Variants in METTL27 observed in about 807,000 individuals in gnomAD.
The protein encoded by METTL27 is methyltransferase like 27.
Under a neutral mutation model 24.5 loss-of-function variants are expected in METTL27, and 29 were observed. That is an observed-to-expected ratio of 1.18 (90% CI 0.88 to 1.61). METTL27 has a LOEUF of 1.61. Ranked by LOEUF, METTL27 falls within the 40% of genes most tolerant of loss-of-function variation. The pLI is 0.00. For missense variants in METTL27, 341 were observed against 324.3 expected, an observed-to-expected ratio of 1.05 and a Z score of -0.40; for synonymous variants, 138 against 146.8, an observed-to-expected ratio of 0.94 and a Z score of 0.43.
At chr7:73,838,882 G>A (rs1554635808) in intron 5 of METTL27, among the ~76,000 whole-genome samples, 2 of 152,120 alleles carry the variant, frequency 1.3e-5, no homozygotes, top group Non-Finnish European at 2.9e-5. Context: ...CTGTCCTGCA[G>A]CCAGCCAGCG....
rs1379693617 is a variant in METTL27 at position 73,840,254 on chromosome 7, G to A, written c.389-134C>T. On this transcript the variant is annotated intron_variant, in intron 4 of 5. Transcript: ENST00000297873. Reference sequence around the variant, plus strand: ...TCTGCAGGACCCAGGTCCCCTAGAGGATAAGGTAAGTATGGCCCAGTTCTG... The same window carrying A: ...TCTGCAGGACCCAGGTCCCCTAGAGAATAAGGTAAGTATGGCCCAGTTCTG... 20 of 1,452,304 alleles carry A rather than the reference G, an allele frequency of 1.4e-5. No individual in the cohort carries two copies. The African/African-American group carries it at 2.7e-4, about 20-fold the overall frequency. 90.0% of individuals were successfully genotyped at this position (1,452,304 alleles called of 1,614,324 possible). A position where few individuals can be genotyped will look rare whatever the true frequency, so the allele number is the denominator to read the frequency against.
chr7:73,837,345 AAAATAAATAAAT>A (rs150487757), intron 5 of METTL27, among the ~76,000 whole-genome samples: 76 of 144,292 alleles, frequency 5.3e-4, no homozygotes, highest in Middle Eastern at 3.5e-3. Context: ...CAATCAATTA[AAAATAAATAAAT>A]AAATAAATAA....
Position 73,834,762 on chromosome 7 carries a change from C to T in METTL27, c.719G>A (p.Arg240Gln), listed in dbSNP as rs73369956. 5.6e-3 allele frequency: 8,969 copies of T among 1,613,966 alleles called. 379 individuals carry two copies. The African/African-American group carries it at 0.1, about 18-fold the overall frequency. Residue 240 changes from arginine (R) to glutamine (Q), a missense_variant, in exon 6 of 6, where the codon CGA (arginine) becomes CAA (glutamine). Transcript: ENST00000297873. ...TGGATCTCACTTCCTCAACCTGGGT[C>T]GCCTTCCACTTTCGGTACAGGTAGA... ...ALSTCTESGRRPRLRK is the reference protein window; with the variant it reads ...ALSTCTESGRQPRLRK
At chr7:73,836,140 A>C (rs1337206265) in intron 5 of METTL27, among the ~76,000 whole-genome samples, 4 of 108,840 alleles carry the variant, frequency 3.7e-5, no homozygotes, top group Non-Finnish European at 6.4e-5. Flanking sequence ...TGGGGGGGTC[A>C]GCCCCCTGCC....
intron 1 of METTL27, 138 bp from the exon 2 acceptor site, chr7:73,842,282 T>C (rs1375614938): frequency 1.5e-6 from 2 of 1,369,224 alleles, no homozygotes; most frequent in East Asian, 2.5e-5. Context: ...CTATCCCAGA[T>C]GGGGACACTG....
intron 2 of METTL27, among the ~76,000 whole-genome samples, 197 bp from the exon 3 acceptor site, chr7:73,841,395 C>G (rs1788350799): frequency 1.3e-5 from 2 of 152,166 alleles, no homozygotes; most frequent in South Asian, 4.1e-4. Flanking sequence ...TAGCCCCCAG[C>G]CCACTGTACA....
intron 5 of METTL27, 58 bp from the exon 6 acceptor site, chr7:73,835,060 C>T (rs1788124097): frequency 2.0e-6 from 3 of 1,533,234 alleles, no homozygotes; most frequent in Non-Finnish European, 2.6e-6. Context: ...CCTGGGCCAT[C>T]TCTGCTGGGG....
At chr7:73,836,511 G>A (rs1788202637) in intron 5 of METTL27, among the ~76,000 whole-genome samples, 20 of 97,572 alleles carry the variant, frequency 2.0e-4, no homozygotes, top group African/African-American at 4.6e-4. Flanking sequence ...CCGGCCAGCC[G>A]CCCCATCCGG....
chr7:73,836,126 G>A (rs1788180364), intron 5 of METTL27, among the ~76,000 whole-genome samples: 1 of 113,828 alleles, frequency 8.8e-6, no homozygotes, highest in South Asian at 3.1e-4. Context: ...ATCCGGGAGG[G>A]AGGTGGGGGG....
Position 73,842,079 on chromosome 7 carries a change from C to A in METTL27, c.62G>T (p.Gly21Val), listed in dbSNP as rs1554636580. 4 of 1,613,952 alleles carry A rather than the reference C, an allele frequency of 2.5e-6. No individual in the cohort carries two copies. The highest frequency in any genetic ancestry group is 1.7e-5 in the Admixed American group (1 of 60,028). The change falls in exon 2 of 6, where the codon GGC (glycine) becomes GTC (valine). Residue 21 changes from glycine to valine, a missense_variant. Gly to Val is a moderately radical substitution (Grantham distance 109, BLOSUM62 -3). Transcript: ENST00000297873. Reference protein sequence around the residue: ...EVRARVRAAHGIPDLAQKLHF... With the variant: ...EVRARVRAAHVIPDLAQKLHF... ...GAGCTTTTGGGCCAGGTCGGGGATG[C>A]CATGCGCGGCCCTGACCCGCGCCCG... is the stretch of plus-strand genomic sequence containing the variant.
In METTL27 at chr7:73,840,419, G is replaced by T; in HGVS notation, c.383C>A (p.Pro128Gln). 6.3e-7 allele frequency: 1 copy of T among 1,577,732 alleles called. No individual in the cohort carries two copies. The highest frequency in any genetic ancestry group is 8.6e-7 in the Non-Finnish European group (1 of 1,162,216). ...CTLGQEPLPS[P>Q]EGTFDAVLIV... ...GGAGGTGGGAGAGAAAGTACCTTCC[G>T]GGCTGGGCAGAGGCTCCTGGCCCAG... The change falls in exon 4 of 6, where the codon CCG (proline) becomes CAG (glutamine). Residue 128 changes from proline to glutamine, a missense_variant. Physicochemically the swap from Pro to Gln is moderately conservative, Grantham distance 76. Transcript: ENST00000297873.
chr7:73,840,141 G>GA (rs1554636051), intron 4 of METTL27, 21 bp from the exon 5 acceptor site: 5 of 1,412,378 alleles, frequency 3.5e-6, no homozygotes, highest in Admixed American at 1.8e-5. Flanking sequence ...GTGGGGGGGG[G>GA]TGGGGACATG....
At chr7:73,841,932 G>A in intron 2 of METTL27, 86 bp downstream of exon 2, 4 of 1,603,604 alleles carry the variant, frequency 2.5e-6, no homozygotes, top group Non-Finnish European at 3.4e-6. Context: ...CCTCACAGCC[G>A]CCCCCGGGTG....
intron 4 of METTL27, 64 bp downstream of exon 4, chr7:73,840,350 G>T: frequency 6.5e-7 from 1 of 1,546,562 alleles, no homozygotes; most frequent in Non-Finnish European, 8.7e-7. Context: ...AGGGATGGAG[G>T]ATCAGCAAGG....
intron 5 of METTL27, among the ~76,000 whole-genome samples, chr7:73,837,823 G>C (rs1347033150): frequency 6.6e-6 from 1 of 151,862 alleles, no homozygotes; most frequent in Non-Finnish European, 1.5e-5. Flanking sequence ...GGGATTATAA[G>C]CGTGAGCCAC....
rs1430051155 is a variant in METTL27, at chr7:73,842,514, T to A, written c.-29A>T. ...CCGCCAATCCAGCGCGCCTCGGGCG[T>A]GTGGGCAACAGGACTCGGGGCGGGG... is the stretch of plus-strand genomic sequence containing the variant. On this transcript the variant is annotated 5_prime_UTR_variant, in exon 1 of 6. Transcript: ENST00000297873. 1 of 201,998 alleles carries A rather than the reference T, an allele frequency of 5.0e-6. No homozygotes were observed. Among genetic ancestry groups the A allele is most frequent in the African/African-American group, 2.3e-5 (1 of 42,694 alleles). 12.5% of individuals were successfully genotyped at this position (201,998 alleles called of 1,614,324 possible). A position where few individuals can be genotyped will look rare whatever the true frequency, so the allele number is the denominator to read the frequency against.
intron 5 of METTL27, among the ~76,000 whole-genome samples, chr7:73,837,894 G>A (rs1554635632): frequency 6.6e-6 from 1 of 151,566 alleles, no homozygotes; most frequent in African/African-American, 2.4e-5. Context: ...CTATTTCCTA[G>A]GCTGGAGTGC....
At chr7:73,839,624 G>A (rs547074848) in intron 5 of METTL27, 1 of 176,764 alleles carries the variant, frequency 5.7e-6, no homozygotes, top group Admixed American at 5.9e-5. Flanking sequence ...ATGAATGAGT[G>A]AGGAAGCAGT....
chr7:73,840,501 C>T lies in METTL27; in HGVS notation c.301G>A (p.Gly101Arg). 1 of 1,611,360 alleles carries T rather than the reference C, an allele frequency of 6.2e-7. No homozygotes were observed. Among genetic ancestry groups the T allele is most frequent in the Non-Finnish European group, 8.5e-7 (1 of 1,179,274 alleles). The change falls in exon 4 of 6, where the codon GGG (glycine) becomes AGG (arginine). Residue 101 changes from glycine to arginine, a missense_variant. Gly to Arg is a moderately radical substitution (Grantham distance 125). Coordinates refer to ENST00000297873, the MANE Select transcript of METTL27 (RefSeq NM_152559.3). ...GGGGCCTGGGCCTGTTCCAGCATCC[C>T]TGGGCTCCCATCCACCCCATGCAGC... Reference protein sequence around the residue: ...LQLHGVDGSPGMLEQAQAPGL... With the variant: ...LQLHGVDGSPRMLEQAQAPGL...
Sources: allele counts gnomAD v4.1 joint callset (sites outside exome capture counted in the v4.1 genomes callset), GRCh38; gene constraint gnomAD v4.1.1; transcripts MANE v1.5; gene names NCBI Gene and HGNC (gene_info 2026-07-23, HGNC 2026-07-21).